SGCZ: variants seen among roughly 807,000 people sequenced by gnomAD.
SGCZ encodes the protein sarcoglycan zeta, also known as zeta-sarcoglycan.
A neutral mutation model predicts 41.3 loss-of-function variants in SGCZ; 40 were observed. The ratio of observed to expected loss-of-function variants is 0.97; its 90% CI spans 0.75 to 1.26. The LOEUF (loss-of-function observed/expected upper bound fraction) is 1.26, where lower values mean the gene tolerates loss of function less well. Among genes scored for constraint, SGCZ ranks in the 50% most tolerant of loss-of-function variants. SGCZ has a pLI of 0.00. For synonymous variants in SGCZ, 206 were observed against 137.5 expected (o/e 1.50, Z -3.49); for missense variants, 552 against 369.8 (o/e 1.49, Z -4.04).
intron 1 of SGCZ, among the ~76,000 whole-genome samples, chr8:14,824,879 C>T (rs1226606339): frequency 1.3e-5 from 2 of 152,034 alleles, no homozygotes. Flanking sequence ...TTGTTTTCAA[C>T]TGTGATTTAT....
At chr8:15,110,507 T>C (rs1022960275) in intron 1 of SGCZ, among the ~76,000 whole-genome samples, 1 of 152,190 alleles carries the variant, frequency 6.6e-6, no homozygotes, top group African/African-American at 2.4e-5. Context: ...ATCACATAAT[T>C]ATTGTCCTCC....
intron 1 of SGCZ, among the ~76,000 whole-genome samples, chr8:14,992,722 C>A (rs1802063220): frequency 1.5e-5 from 2 of 129,248 alleles, no homozygotes; most frequent in African/African-American, 3.1e-5. Context: ...CTCATTCAAT[C>A]TACTCCCAAA....
intron 5 of SGCZ, among the ~76,000 whole-genome samples, chr8:14,110,721 G>A (rs578208396): frequency 5.3e-5 from 8 of 152,100 alleles, no homozygotes; most frequent in Non-Finnish European, 1.0e-4. Context: ...GATGATAAAA[G>A]CCACCTGAAC....
intron 1 of SGCZ, among the ~76,000 whole-genome samples, chr8:14,693,505 T>C (rs1585187469): frequency 6.6e-6 from 1 of 151,144 alleles, no homozygotes; most frequent in African/African-American, 2.4e-5. Context: ...TTGGTCAGGC[T>C]GATCTCAAAC....
chr8:14,429,373 G>A (rs1056002060), intron 2 of SGCZ, among the ~76,000 whole-genome samples: 1 of 152,114 alleles, frequency 6.6e-6, no homozygotes, highest in East Asian at 1.9e-4. Context: ...GAATGTTCCA[G>A]GCAATAGCTA....
intron 1 of SGCZ, among the ~76,000 whole-genome samples, chr8:14,830,014 G>T (rs1484454971): frequency 6.6e-6 from 1 of 152,046 alleles, no homozygotes; most frequent in African/African-American, 2.4e-5. Context: ...GGTTTTCACC[G>T]TGTTAGCCAG....
intron 5 of SGCZ, among the ~76,000 whole-genome samples, chr8:14,151,435 CA>C (rs966450623): frequency 8.3e-5 from 12 of 144,810 alleles, no homozygotes; most frequent in East Asian, 6.0e-4. Flanking sequence ...TGAAAGATAC[CA>C]AAAAAAAACT....
intron 1 of SGCZ, among the ~76,000 whole-genome samples, chr8:14,803,511 C>T (rs1801403698): frequency 6.6e-6 from 1 of 152,166 alleles, no homozygotes; most frequent in Non-Finnish European, 1.5e-5. Context: ...GAATACCGCG[C>T]TTTTCCGATG....
intron 2 of SGCZ, among the ~76,000 whole-genome samples, chr8:14,325,161 C>T (rs1034806413): frequency 6.6e-6 from 1 of 152,060 alleles, no homozygotes; most frequent in East Asian, 1.9e-4. Context: ...TGGAGGCAGG[C>T]TTCAAGAAGA....
At chr8:14,936,385 A>G (rs1215490260) in intron 1 of SGCZ, among the ~76,000 whole-genome samples, 2 of 151,962 alleles carry the variant, frequency 1.3e-5, no homozygotes, top group Non-Finnish European at 2.9e-5. Flanking sequence ...ACGGTTAGGC[A>G]AAATCATGTA....
At chr8:14,551,495 A>G (rs1803825802) in intron 2 of SGCZ, among the ~76,000 whole-genome samples, 1 of 1,362 alleles carries the variant, frequency 7.3e-4, no homozygotes, top group Non-Finnish European at 1.9e-3. Flanking sequence ...TATATTATAT[A>G]TATTATATAT....
At chr8:14,429,070 C>A (rs980962932) in intron 2 of SGCZ, among the ~76,000 whole-genome samples, 1 of 152,172 alleles carries the variant, frequency 6.6e-6, no homozygotes, top group African/African-American at 2.4e-5. Flanking sequence ...AAACTTGGCA[C>A]TGAAGAAACT....
rs576300879 is a variant in SGCZ, at chr8:14,609,218, T to C, written c.40-54292A>G. Among the ~76,000 whole-genome samples, 11 of 152,296 alleles carry C rather than the reference T, an allele frequency of 7.2e-5. No homozygotes were observed. The South Asian group carries it at 2.3e-3, about 32-fold the overall frequency. ...ACAAAATTGTATTATTACTTACAAA[T>C]AAATGAAATTTTTGCCTGGGGTTAT... On this transcript the variant is annotated intron_variant, in intron 1 of 7. Coordinates refer to ENST00000382080, the MANE Select transcript of SGCZ (RefSeq NM_139167.4).
intron 2 of SGCZ, among the ~76,000 whole-genome samples, chr8:14,340,693 C>T (rs1802672229): frequency 6.6e-6 from 1 of 152,090 alleles, no homozygotes; most frequent in Admixed American, 6.6e-5. Context: ...ACTAATGCAT[C>T]CACTGATAAT....
At position 14,652,383 on chromosome 8, in the gene SGCZ, G is replaced by A. The variant is rs539710793; in HGVS notation, c.40-97457C>T. On this transcript the variant is annotated intron_variant, in intron 1 of 7. Coordinates refer to ENST00000382080, the MANE Select transcript of SGCZ (RefSeq NM_139167.4). ...GGGGGGGAGAAAACACTGAAATAAT[G>A]CATATATATTCATAATAATAATATT... is the stretch of plus-strand genomic sequence containing the variant. Among the ~76,000 whole-genome samples the A allele has an allele frequency of 1.5e-4, 22 of 145,886 alleles. No homozygotes were observed. The South Asian group carries it at 4.8e-3, about 32-fold the overall frequency.
chr8:14,936,689 A>G (rs1007762326), intron 1 of SGCZ, among the ~76,000 whole-genome samples: 1 of 151,970 alleles, frequency 6.6e-6, no homozygotes, highest in African/African-American at 2.4e-5. Flanking sequence ...GGCTAAATAA[A>G]TTTCCAAAGA....
At chr8:14,734,630 A>G (rs749266943) in intron 1 of SGCZ, among the ~76,000 whole-genome samples, 4 of 152,184 alleles carry the variant, frequency 2.6e-5, no homozygotes, top group Non-Finnish European at 5.9e-5. Flanking sequence ...TTATACTAAT[A>G]ATATGTGAAA....
At chr8:14,730,835 C>T (rs970777801) in intron 1 of SGCZ, among the ~76,000 whole-genome samples, 2 of 151,644 alleles carry the variant, frequency 1.3e-5, no homozygotes, top group Non-Finnish European at 2.9e-5. Flanking sequence ...AGAAAGAATG[C>T]TGTAGCATCT....
At chr8:15,200,573 A>G (rs1171486336) in intron 1 of SGCZ, among the ~76,000 whole-genome samples, 1 of 152,188 alleles carries the variant, frequency 6.6e-6, no homozygotes, top group East Asian at 1.9e-4. Context: ...GAATAACTAT[A>G]AAACTAGACT....
Sources: allele counts gnomAD v4.1 joint callset (sites outside exome capture counted in the v4.1 genomes callset), GRCh38; gene constraint gnomAD v4.1.1; transcripts MANE v1.5; gene names NCBI Gene and HGNC (gene_info 2026-07-23, HGNC 2026-07-21).